FTO: variants seen among roughly 807,000 people sequenced by gnomAD.
The protein encoded by FTO is alpha-ketoglutarate-dependent dioxygenase FTO.
FTO carries 47 observed loss-of-function variants against 63.9 expected under a neutral mutation model. That is an observed-to-expected ratio of 0.74 (90% confidence interval 0.58 to 0.94). FTO has a LOEUF of 0.94. Among genes scored for constraint, FTO ranks in the 40% least tolerant of loss-of-function variants. FTO has a pLI of 0.00. For synonymous variants in FTO, 207 were observed against 224.4 expected, an observed-to-expected ratio of 0.92 and a Z score of 0.69; for missense variants, 562 against 618.1, an observed-to-expected ratio of 0.91 and a Z score of 0.96.
chr16:53,811,107 C>G (rs766560040), intron 2 of FTO, among the ~76,000 whole-genome samples: 11 of 152,180 alleles, frequency 7.2e-5, no homozygotes, highest in Non-Finnish European at 1.6e-4. Flanking sequence ...GTTCATGCAC[C>G]TACTCTTGGA....
upstream of FTO, chr16:53,704,012 CGTGGCGCTCGCGGGTGTCGCCGCGGT>C: frequency 1.4e-6 from 1 of 722,546 alleles, no homozygotes. Flanking sequence ...TGCTAAATCC[CGTGGCGCTCGCGGGTGTCGCCGCGGT>C]GCATCCTGGG....
At chr16:53,856,764 G>A (rs1317762006) in intron 4 of FTO, among the ~76,000 whole-genome samples, 2 of 151,488 alleles carry the variant, frequency 1.3e-5, no homozygotes, top group East Asian at 1.9e-4. Flanking sequence ...AAAAAAACAA[G>A]CATGGAGGTG....
chr16:53,766,616 T>A (rs1321357766), intron 1 of FTO, among the ~76,000 whole-genome samples: 4 of 152,134 alleles, frequency 2.6e-5, no homozygotes, highest in African/African-American at 9.7e-5. Context: ...GACAGTCACA[T>A]GACTGGTGTC....
chr16:54,036,470 C>G (rs2084943405), intron 8 of FTO, among the ~76,000 whole-genome samples: 1 of 152,212 alleles, frequency 6.6e-6, no homozygotes, highest in Non-Finnish European at 1.5e-5. Context: ...AGATAGACTG[C>G]AGGGTCAAAA....
intron 8 of FTO, among the ~76,000 whole-genome samples, chr16:53,954,904 A>T (rs1385468597): frequency 6.6e-6 from 1 of 152,010 alleles, no homozygotes; most frequent in African/African-American, 2.4e-5. Flanking sequence ...AGTAGCAGAG[A>T]TGGGACTGGC....
At chr16:54,086,181 A>G (rs1202871389) in intron 8 of FTO, among the ~76,000 whole-genome samples, 1 of 152,202 alleles carries the variant, frequency 6.6e-6, no homozygotes, top group Non-Finnish European at 1.5e-5. Flanking sequence ...CCTATAACAC[A>G]ATTATATAAA....
At chr16:54,070,105 C>A (rs1230601280) in intron 8 of FTO, 1 of 151,982 alleles carries the variant, frequency 6.6e-6, no homozygotes, top group African/African-American at 2.4e-5. Context: ...GCAATCAATA[C>A]GTGTTAATTA....
intron 7 of FTO, among the ~76,000 whole-genome samples, chr16:53,922,075 A>G (rs964414648): frequency 6.6e-6 from 1 of 152,228 alleles, no homozygotes; most frequent in Non-Finnish European, 1.5e-5. Flanking sequence ...AGCGTACCAT[A>G]GTAAAATAAA....
At chr16:54,075,644 T>C (rs2085976391) in intron 8 of FTO, among the ~76,000 whole-genome samples, 1 of 152,254 alleles carries the variant, frequency 6.6e-6, no homozygotes, top group Admixed American at 6.5e-5. Context: ...AGTTTAACAA[T>C]GCATGACATC....
intron 8 of FTO, among the ~76,000 whole-genome samples, chr16:54,009,636 T>A (rs1209047171): frequency 6.6e-6 from 1 of 152,192 alleles, no homozygotes; most frequent in East Asian, 1.9e-4. Context: ...TCCCAGGGTG[T>A]GTTCCAGCCT....
chr16:53,886,452 T>A (rs2080999333), intron 6 of FTO, among the ~76,000 whole-genome samples: 1 of 152,326 alleles, frequency 6.6e-6, no homozygotes, highest in African/African-American at 2.4e-5. Flanking sequence ...AAAGAACTCA[T>A]TTTTTTCTTG....
At chr16:54,009,996 G>T (rs902973620) in intron 8 of FTO, among the ~76,000 whole-genome samples, 8 of 148,354 alleles carry the variant, frequency 5.4e-5, no homozygotes, top group African/African-American at 2.1e-4. Context: ...TTTGACTGTT[G>T]TAGTGACCTT....
rs142581339 is a variant in FTO at position 53,979,053 on chromosome 16, G to T, written c.1364+44944G>T. 9.9e-3 allele frequency among the ~76,000 whole-genome samples: 1,509 copies of T among 151,886 alleles called. 23 individuals are homozygous for T. Among genetic ancestry groups the T allele is most frequent in the African/African-American group, 0.035 (1,439 of 41,426 alleles). The stretch of plus-strand genomic sequence containing the variant: ...CTACCACCCAGAAGGTTAACATTTG[G>T]TTATGATTAGAAATATTTCTGTTTT... On this transcript the variant is annotated intron_variant, in intron 8 of 8. Coordinates refer to ENST00000471389, the MANE Select transcript of FTO (RefSeq NM_001080432.3).
chr16:53,720,047 C>T (rs1393281593), intron 1 of FTO, among the ~76,000 whole-genome samples: 2 of 152,078 alleles, frequency 1.3e-5, no homozygotes, highest in Admixed American at 6.6e-5. Context: ...TTTCACTCCA[C>T]ACAAATAGTA....
At chr16:53,891,750 A>G (rs143917496) in intron 7 of FTO, among the ~76,000 whole-genome samples, 128 of 152,370 alleles carry the variant, frequency 8.4e-4, no homozygotes, top group African/African-American at 2.8e-3. Context: ...GAATTTAGTT[A>G]TATCTATGTA....
intron 1 of FTO, among the ~76,000 whole-genome samples, chr16:53,792,047 G>T (rs1305165622): frequency 6.7e-6 from 1 of 149,534 alleles, no homozygotes; most frequent in Admixed American, 6.7e-5. Flanking sequence ...CTGCACTCCC[G>T]CCTGGGCCAC....
intron 5 of FTO, among the ~76,000 whole-genome samples, chr16:53,878,712 C>A (rs896108276): frequency 2.0e-5 from 3 of 152,170 alleles, no homozygotes; most frequent in African/African-American, 7.2e-5. Flanking sequence ...TCAAAACAGG[C>A]AGATGCACTG....
chr16:53,827,617 A>G (rs1188460372), intron 3 of FTO, among the ~76,000 whole-genome samples: 1 of 152,228 alleles, frequency 6.6e-6, no homozygotes, highest in Non-Finnish European at 1.5e-5. Context: ...CCAGTCTCAA[A>G]AATTTCCTCA....
chr16:54,018,127 T>G (rs2084495572), intron 8 of FTO, among the ~76,000 whole-genome samples: 1 of 152,110 alleles, frequency 6.6e-6, no homozygotes, highest in Admixed American at 6.6e-5. Context: ...TTGTAATGGA[T>G]GCGTAATACT....
Sources: gnomAD v4.1 joint callset for allele counts (sites outside exome capture counted in the v4.1 genomes callset) on GRCh38, gnomAD v4.1.1 for gene constraint, MANE v1.5 for transcripts, NCBI Gene and HGNC (gene_info 2026-07-23, HGNC 2026-07-21) for gene names.